MICALL2: variants seen among roughly 807,000 people sequenced by gnomAD.
The protein encoded by MICALL2 is MICAL like 2.
MICALL2 carries 111 observed loss-of-function variants against 91.1 expected under a neutral mutation model. The observed-to-expected ratio is 1.22, with a 90% CI of 1.04 to 1.43. MICALL2 has a LOEUF of 1.43. MICALL2 is among the 40% of genes most tolerant of loss of function. MICALL2 has a pLI of 0.00. For missense variants in MICALL2, 1,556 were observed against 1,236.0 expected (o/e 1.26, Z -3.88); for synonymous variants, 694 against 525.3 (o/e 1.32, Z -4.39).
At chr7:1,450,358 G>C in intron 1 of MICALL2, 70 bp from the exon 2 acceptor site, 1 of 1,330,188 alleles carries the variant, frequency 7.5e-7, no homozygotes, top group Non-Finnish European at 1.1e-6. Flanking sequence ...GGGCCTCAGA[G>C]GTCATCTTGC....
intron 3 of MICALL2, 31 bp from the exon 4 acceptor site, chr7:1,447,796 C>T: frequency 1.4e-6 from 2 of 1,462,576 alleles, no homozygotes; most frequent in Non-Finnish European, 1.8e-6. Flanking sequence ...TCGGGAGGGT[C>T]CCAGGCCTGG....
At chr7:1,456,130 AG>A (rs1157481803) in intron 1 of MICALL2, among the ~76,000 whole-genome samples, 17 of 152,060 alleles carry the variant, frequency 1.1e-4, no homozygotes, top group African/African-American at 4.1e-4. Context: ...GCACGTCCAA[AG>A]AGCCAGGGGC....
rs139275844 is a variant in MICALL2, at chr7:1,451,608, C to G, written c.144-1320G>C. ...AGCGTGAACTGGACTGTTCTAGAAG[C>G]TTCCTGGCCCCACAGAGGGAGCTGG... On this transcript the variant is annotated intron_variant, in intron 1 of 16. Coordinates refer to ENST00000297508, the MANE Select transcript of MICALL2 (RefSeq NM_182924.4). The surrounding 1 kb of genome is among the most constrained non-coding windows in gnomAD (Gnocchi z 4.5). Among the ~76,000 whole-genome samples, 350 of 152,342 alleles carry G rather than the reference C, an allele frequency of 2.3e-3. 4 individuals carry two copies. Among genetic ancestry groups the G allele is most frequent in the Middle Eastern group, 0.01 (3 of 294 alleles).
chr7:1,455,753 T>C (rs1313393053), intron 1 of MICALL2, among the ~76,000 whole-genome samples: 1 of 151,898 alleles, frequency 6.6e-6, no homozygotes, highest in Non-Finnish European at 1.5e-5. Flanking sequence ...GCGGAAGTGC[T>C]CTCTGCGTGC....
intron 7 of MICALL2, chr7:1,441,887 T>C (rs1780297680): frequency 7.4e-6 from 3 of 404,374 alleles, no homozygotes; most frequent in Admixed American, 4.2e-5. Context: ...AGCCACAGGA[T>C]GTAACTGCCA....
At chr7:1,453,973 C>T (rs1222506581) in intron 1 of MICALL2, among the ~76,000 whole-genome samples, 1 of 152,162 alleles carries the variant, frequency 6.6e-6, no homozygotes, top group Non-Finnish European at 1.5e-5. Flanking sequence ...CTCCACCGTG[C>T]GTGCCCCTGC....
chr7:1,440,804 A>C (rs1473886429), intron 7 of MICALL2, 120 bp from the exon 8 acceptor site: 15 of 817,690 alleles, frequency 1.8e-5, no homozygotes, highest in Non-Finnish European at 2.0e-6. Context: ...AGACACCCCC[A>C]CAGCCAGCCG....
chr7:1,456,521 G>A (rs1402351737), intron 1 of MICALL2, among the ~76,000 whole-genome samples: 3 of 152,202 alleles, frequency 2.0e-5, no homozygotes, highest in Non-Finnish European at 4.4e-5. Context: ...GGGAGGCGGA[G>A]GTTGCAGTGA....
rs1044039427 is a variant in MICALL2 at position 1,452,609 on chromosome 7, G to A, written c.144-2321C>T. ...CTGTCTGCCTCCCGCACTTGTTTCC[G>A]TCCACCCCAGGGGCCAGCAGCGGCT... On this transcript the variant is annotated intron_variant, in intron 1 of 16. Coordinates refer to ENST00000297508, the MANE Select transcript of MICALL2 (RefSeq NM_182924.4). This position sits in a 1 kb window ranked among gnomAD's most constrained non-coding sequence, Gnocchi z 6.2. 3.9e-5 allele frequency among the ~76,000 whole-genome samples: 6 copies of A among 152,214 alleles called. 1 individual carries two copies. In the South Asian group the frequency reaches 8.3e-4, roughly 21 times the overall value.
intron 1 of MICALL2, among the ~76,000 whole-genome samples, chr7:1,454,423 G>A (rs1004686837): frequency 1.5e-4 from 23 of 150,308 alleles, no homozygotes; most frequent in African/African-American, 5.4e-4. Flanking sequence ...CAGAGACAGC[G>A]AGGACATGGC....
At position 1,455,709 on chromosome 7, in the gene MICALL2, TG is replaced by T. The variant is rs146649532; in HGVS notation, c.143+3474del. Among the ~76,000 whole-genome samples the T allele has an allele frequency of 2.3e-3, 354 of 152,070 alleles. 2 individuals are homozygous for T. Among genetic ancestry groups the T allele is most frequent in the African/African-American group, 8.1e-3 (335 of 41,542 alleles). On this transcript the variant is annotated intron_variant, in intron 1 of 16. Coordinates refer to ENST00000297508, the MANE Select transcript of MICALL2 (RefSeq NM_182924.4). Reference sequence around the variant, plus strand: ...CACCTGGCTGGCCTGGCGCCCGAGCTGGTTCCTTCACAGCTGCTCTCCCTGA... The same window carrying T: ...CACCTGGCTGGCCTGGCGCCCGAGCTGTTCCTTCACAGCTGCTCTCCCTGA...
intron 1 of MICALL2, 40 bp downstream of exon 1, chr7:1,459,144 C>G (rs780518485): frequency 2.5e-6 from 4 of 1,579,218 alleles, no homozygotes; most frequent in Middle Eastern, 2.0e-4. Flanking sequence ...AGCGCGCAGC[C>G]GAACAGCAGA....
intron 6 of MICALL2, among the ~76,000 whole-genome samples, chr7:1,443,327 C>T (rs976027192): frequency 9.2e-5 from 14 of 152,090 alleles, no homozygotes; most frequent in South Asian, 4.2e-4. Context: ...GTGACCACCC[C>T]GGAGGCTCTG....
Position 1,454,472 on chromosome 7 carries a change from G to T in MICALL2, c.144-4184C>A, listed in dbSNP as rs565747107. Among the ~76,000 whole-genome samples the T allele has an allele frequency of 2.0e-5, 3 of 152,130 alleles. No homozygotes were observed. The East Asian group carries it at 5.8e-4, about 29-fold the overall frequency. Reference sequence around the variant, plus strand: ...GGAGAGGAGGGGGTGGGCAGGGGGCGGTGACGACTGGGGAGGGGAGGCCGC... The same window carrying T: ...GGAGAGGAGGGGGTGGGCAGGGGGCTGTGACGACTGGGGAGGGGAGGCCGC... On this transcript the variant is annotated intron_variant, in intron 1 of 16. Transcript: ENST00000297508.
chr7:1,446,755 C>T lies in MICALL2; in HGVS notation c.599G>A (p.Arg200Gln), dbSNP rs370390725. The T allele has an allele frequency of 6.2e-6, 10 of 1,607,860 alleles. No homozygotes were observed. The South Asian group carries it at 6.6e-5, about 11-fold the overall frequency. ...GTAAAGCCTCCCGTCGGCCAGGTGC[C>T]GCTGTACCAGGTGCACGTGCTTGCC... is the stretch of plus-strand genomic sequence containing the variant. ...VCGKHVHLVQ[R>Q]HLADGRLYHR... The change falls in exon 5 of 17, where the codon CGG becomes CAG. Residue 200 changes from arginine to glutamine, a missense_variant. Transcript: ENST00000297508.
rs1462296441 is a variant in MICALL2, at chr7:1,448,523, G to A, written c.334+97C>T. 2.6e-6 allele frequency: 3 copies of A among 1,150,612 alleles called. 1 individual carries two copies. The highest frequency in any genetic ancestry group is 3.9e-6 in the Non-Finnish European group (3 of 779,090). The allele number at this position is 1,150,612 out of a possible 1,614,324, so 71.3% of individuals were successfully genotyped here. On this transcript the variant is annotated intron_variant, in intron 3 of 16. Coordinates refer to ENST00000297508, the MANE Select transcript of MICALL2 (RefSeq NM_182924.4). ...GCCAGGGGCCATTCTTGGGGGGGGGGCTGGGCATGGACCCCAAAAAGTCCA... is the reference window on the plus strand; with the variant it reads ...GCCAGGGGCCATTCTTGGGGGGGGGACTGGGCATGGACCCCAAAAAGTCCA...
intron 1 of MICALL2, among the ~76,000 whole-genome samples, chr7:1,455,226 G>C (rs1402153057): frequency 2.6e-5 from 4 of 152,224 alleles, no homozygotes; most frequent in Admixed American, 6.5e-5. Context: ...GGAATGAAAG[G>C]AGCCAGCCCA....
In MICALL2 at chr7:1,437,523, C is replaced by A; in HGVS notation, c.2476+12G>T. On this transcript the variant is annotated intron_variant, in intron 14 of 16. Transcript: ENST00000297508. ...TGGCTGGGGCCCCTTGGCTGGCGCG[C>A]GGGGGACGCACCGGGCTTGGCCATG... 1.3e-6 allele frequency: 2 copies of A among 1,514,666 alleles called. No individual in the cohort carries two copies. Among genetic ancestry groups the A allele is most frequent in the Non-Finnish European group, 1.8e-6 (2 of 1,139,490 alleles). The allele number at this position is 1,514,666 out of a possible 1,614,324, so 93.8% of individuals were successfully genotyped here. A position where few individuals can be genotyped will look rare whatever the true frequency, so the allele number is the denominator to read the frequency against.
At chr7:1,436,704 G>A in intron 15 of MICALL2, 38 bp downstream of exon 15, 1 of 1,526,518 alleles carries the variant, frequency 6.6e-7, no homozygotes, top group Non-Finnish European at 8.9e-7. Context: ...CAGGCGACCT[G>A]GCCTGGCTGG....
Sources: allele counts gnomAD v4.1 joint callset (sites outside exome capture counted in the v4.1 genomes callset), GRCh38; gene constraint gnomAD v4.1.1; non-coding constraint Gnocchi (gnomAD v3.1); transcripts MANE v1.5; gene names NCBI Gene and HGNC (gene_info 2026-07-23, HGNC 2026-07-21).